The following PAK5 variants were observed in gnomAD, a reference collection of about 807,000 sequenced individuals.
The protein encoded by PAK5 is serine/threonine-protein kinase PAK 5.
PAK5 carries 16 observed loss-of-function variants against 65.9 expected under a neutral mutation model. The observed-to-expected ratio is 0.24, with a 90% confidence interval of 0.16 to 0.37. The LOEUF (loss-of-function observed/expected upper bound fraction) is 0.37. PAK5 is among the 10% of genes least tolerant of loss of function. The pLI is 1.00. For missense variants in PAK5, 785 were observed against 903.9 expected, an observed-to-expected ratio of 0.87 and a Z score of 1.69; for synonymous variants, 371 against 354.9, an observed-to-expected ratio of 1.05 and a Z score of -0.51.
intron 5 of PAK5, 108 bp downstream of exon 5, chr20:9,565,785 A>T: frequency 1.7e-6 from 2 of 1,172,632 alleles, no homozygotes; most frequent in Non-Finnish European, 2.4e-6. Context: ...TTTTGTCTTT[A>T]TATTTTCAGT....
At chr20:9,785,151 C>A (rs1308932460) in intron 1 of PAK5, among the ~76,000 whole-genome samples, 2 of 152,108 alleles carry the variant, frequency 1.3e-5, no homozygotes, top group Non-Finnish European at 2.9e-5. Flanking sequence ...ATAGCCTATG[C>A]TCATCGTAAG....
At chr20:9,655,812 A>G (rs2047260244) in intron 2 of PAK5, among the ~76,000 whole-genome samples, 1 of 152,186 alleles carries the variant, frequency 6.6e-6, no homozygotes. Context: ...TGGAAGTCCA[A>G]GATCAAGGTG....
At chr20:9,778,130 G>T (rs968387543) in intron 1 of PAK5, among the ~76,000 whole-genome samples, 1 of 152,076 alleles carries the variant, frequency 6.6e-6, no homozygotes, top group African/African-American at 2.4e-5. Flanking sequence ...TCATTGATTT[G>T]GGTCTTGAGT....
intron 7 of PAK5, among the ~76,000 whole-genome samples, 171 bp from the exon 8 acceptor site, chr20:9,544,665 T>C (rs956596178): frequency 1.3e-5 from 2 of 152,214 alleles, no homozygotes; most frequent in African/African-American, 4.8e-5. Flanking sequence ...CATGGTCCAT[T>C]TTAATGGAGA....
chr20:9,755,461 A>G (rs896545154), intron 1 of PAK5, among the ~76,000 whole-genome samples: 2 of 152,200 alleles, frequency 1.3e-5, no homozygotes, highest in Non-Finnish European at 2.9e-5. Context: ...CACTGGAGAT[A>G]TGCAAAGACA....
intron 4 of PAK5, among the ~76,000 whole-genome samples, chr20:9,568,187 G>T (rs1355895731): frequency 6.6e-6 from 1 of 152,222 alleles, no homozygotes; most frequent in African/African-American, 2.4e-5. Flanking sequence ...GAATGACACA[G>T]TCTGACTCTC....
intron 2 of PAK5, among the ~76,000 whole-genome samples, chr20:9,703,233 T>G (rs1357061161): frequency 2.0e-5 from 3 of 152,164 alleles, no homozygotes; most frequent in East Asian, 1.9e-4. Flanking sequence ...GACAAACAAC[T>G]GAATCTTGAC....
At chr20:9,693,224 T>C (rs1290747439) in intron 2 of PAK5, among the ~76,000 whole-genome samples, 1 of 152,114 alleles carries the variant, frequency 6.6e-6, no homozygotes, top group Non-Finnish European at 1.5e-5. Flanking sequence ...GGGATAAAAG[T>C]GGCACTCCTT....
chr20:9,684,843 T>C (rs2123414644), intron 2 of PAK5, among the ~76,000 whole-genome samples: 1 of 152,356 alleles, frequency 6.6e-6, no homozygotes, highest in Non-Finnish European at 1.5e-5. Flanking sequence ...GCAGATCTGA[T>C]GTCCACTGGG....
At chr20:9,632,485 G>A (rs547667127) in intron 3 of PAK5, among the ~76,000 whole-genome samples, 1 of 152,162 alleles carries the variant, frequency 6.6e-6, no homozygotes, top group Non-Finnish European at 1.5e-5. Flanking sequence ...TGGATTACAT[G>A]CATAATGAAA....
chr20:9,800,278 T>C (rs1240586541), intron 1 of PAK5, among the ~76,000 whole-genome samples: 1 of 152,156 alleles, frequency 6.6e-6, no homozygotes, highest in African/African-American at 2.4e-5. Flanking sequence ...CTGTTTCTTC[T>C]ATTGAAATTT....
At chr20:9,620,630 G>A (rs1418865611) in intron 3 of PAK5, among the ~76,000 whole-genome samples, 2 of 152,184 alleles carry the variant, frequency 1.3e-5, no homozygotes, top group Admixed American at 1.3e-4. Context: ...ATGGCTCACA[G>A]TGATATGGGG....
chr20:9,551,026 T>C (rs893010442), intron 7 of PAK5, among the ~76,000 whole-genome samples: 3 of 152,180 alleles, frequency 2.0e-5, no homozygotes, highest in East Asian at 1.9e-4. Flanking sequence ...AGATGAGCAA[T>C]TGAAACTCGA....
intron 1 of PAK5, among the ~76,000 whole-genome samples, chr20:9,826,601 G>A (rs1006141391): frequency 2.6e-5 from 4 of 152,186 alleles, no homozygotes; most frequent in South Asian, 2.1e-4. Flanking sequence ...GAATTCTGCC[G>A]CAAATATATC....
rs538458979 is a variant in PAK5, at chr20:9,714,684, G to A, written c.-161-3249C>T. On this transcript the variant is annotated intron_variant, in intron 1 of 9. Transcript: ENST00000353224. Reference sequence around the variant, plus strand: ...ATAGTAACCAAAACAGCATGGTACTGGTACCAAAACAGATATAGACCAATG... The same window carrying A: ...ATAGTAACCAAAACAGCATGGTACTAGTACCAAAACAGATATAGACCAATG... Among the ~76,000 whole-genome samples the A allele has an allele frequency of 2.6e-4, 39 of 152,184 alleles. 2 individuals carry two copies. The South Asian group carries it at 6.2e-3, about 24-fold the overall frequency.
intron 1 of PAK5, among the ~76,000 whole-genome samples, chr20:9,804,301 A>G (rs1009440591): frequency 7.2e-5 from 11 of 152,194 alleles, no homozygotes; most frequent in African/African-American, 2.2e-4. Flanking sequence ...TGACTCTCCA[A>G]GATCAGCCAT....
chr20:9,583,457 T>G (rs1350067704), intron 3 of PAK5, among the ~76,000 whole-genome samples: 1 of 152,228 alleles, frequency 6.6e-6, no homozygotes, highest in Non-Finnish European at 1.5e-5. Flanking sequence ...TAAAATTCCT[T>G]TACACTTATA....
At chr20:9,670,381 C>T (rs960597736) in intron 2 of PAK5, among the ~76,000 whole-genome samples, 1 of 152,154 alleles carries the variant, frequency 6.6e-6, no homozygotes, top group African/African-American at 2.4e-5. Flanking sequence ...AGTTTACAGT[C>T]CCACCAACAG....
At chr20:9,593,112 C>T (rs1388781682) in intron 3 of PAK5, among the ~76,000 whole-genome samples, 7 of 151,244 alleles carry the variant, frequency 4.6e-5, no homozygotes, top group African/African-American at 1.7e-4. Context: ...CCAGCCTGGG[C>T]AACATAGCTA....
Sources: allele counts gnomAD v4.1 joint callset (sites outside exome capture counted in the v4.1 genomes callset), GRCh38; gene constraint gnomAD v4.1.1; transcripts MANE v1.5; gene names NCBI Gene and HGNC (gene_info 2026-07-23, HGNC 2026-07-21).